GKAP1: variants seen among roughly 807,000 people sequenced by gnomAD.
GKAP1 encodes G kinase anchoring protein 1.
GKAP1 carries 31 observed loss-of-function variants against 56.7 expected under a neutral mutation model. The observed-to-expected ratio is 0.55, with a 90% CI of 0.41 to 0.74. The LOEUF (loss-of-function observed/expected upper bound fraction) is 0.74. Ranked by LOEUF, GKAP1 falls within the 30% of genes least tolerant of loss-of-function variation. The probability of loss-of-function intolerance (pLI) is 0.00; values close to 1 mark genes in which losing one functional copy is unlikely to be tolerated. For synonymous variants in GKAP1, 151 were observed against 138.6 expected, an observed-to-expected ratio of 1.09 and a Z score of -0.63; for missense variants, 364 against 402.3, an observed-to-expected ratio of 0.90 and a Z score of 0.82.
chr9:83,816,518 T>C (rs1187696313), intron 2 of GKAP1, among the ~76,000 whole-genome samples: 6 of 152,270 alleles, frequency 3.9e-5, no homozygotes, highest in Non-Finnish European at 7.3e-5. Flanking sequence ...TATAGTGTTA[T>C]AAATCTGTTG....
At chr9:83,789,991 A>G (rs1405342627) in intron 4 of GKAP1, among the ~76,000 whole-genome samples, 1 of 152,206 alleles carries the variant, frequency 6.6e-6, no homozygotes, top group Non-Finnish European at 1.5e-5. Context: ...TCTAAACTAA[A>G]ATAGAAACCA....
intron 8 of GKAP1, among the ~76,000 whole-genome samples, chr9:83,757,006 T>C (rs1425804847): frequency 6.6e-6 from 1 of 152,202 alleles, no homozygotes; most frequent in East Asian, 1.9e-4. Flanking sequence ...TGAAAAGATG[T>C]ACAAGATAAA....
chr9:83,791,354 C>G (rs1587728044), intron 4 of GKAP1, among the ~76,000 whole-genome samples: 1 of 151,116 alleles, frequency 6.6e-6, no homozygotes, highest in Non-Finnish European at 1.5e-5. Context: ...AGTGAGCCGA[C>G]ATCACGCCAC....
At chr9:83,814,895 C>T (rs531202937) in intron 2 of GKAP1, among the ~76,000 whole-genome samples, 68 of 152,176 alleles carry the variant, frequency 4.5e-4, no homozygotes, top group Non-Finnish European at 7.4e-4. Flanking sequence ...TTAAGCCAGC[C>T]GGGCATGGTG....
intron 4 of GKAP1, among the ~76,000 whole-genome samples, chr9:83,794,853 G>A (rs115542722): frequency 8.9e-4 from 135 of 152,164 alleles, no homozygotes; most frequent in African/African-American, 3.2e-3. Context: ...TGATTTAATC[G>A]TTTTAAAAAA....
At chr9:83,810,907 CCTAGGCTACATGGTATGGCCTATTGCTT>C (rs2131328516) in intron 2 of GKAP1, among the ~76,000 whole-genome samples, 1 of 152,314 alleles carries the variant, frequency 6.6e-6, no homozygotes, top group South Asian at 2.1e-4. Flanking sequence ...CTACTATCCA[CCTAGGCTACATGGTATGGCCTATTGCTT>C]CTAGGCTACA....
At chr9:83,781,104 T>C (rs1943963878) in intron 6 of GKAP1, among the ~76,000 whole-genome samples, 1 of 152,184 alleles carries the variant, frequency 6.6e-6, no homozygotes, top group African/African-American at 2.4e-5. Flanking sequence ...GGCTCACACC[T>C]GTAATCCCAG....
intron 2 of GKAP1, among the ~76,000 whole-genome samples, chr9:83,812,906 C>A (rs1446094371): frequency 6.6e-6 from 1 of 152,010 alleles, no homozygotes; most frequent in Non-Finnish European, 1.5e-5. Context: ...GAGAACACTA[C>A]CCTCGTTAAC....
intron 6 of GKAP1, among the ~76,000 whole-genome samples, chr9:83,783,868 TAAA>T (rs1384373104): frequency 6.6e-5 from 10 of 152,234 alleles, no homozygotes. Context: ...AAATTCTTAC[TAAA>T]GTTTTATGGG....
chr9:83,787,187 A>AACTT (rs1438406284), intron 5 of GKAP1, among the ~76,000 whole-genome samples: 3 of 152,338 alleles, frequency 2.0e-5, no homozygotes, highest in African/African-American at 7.2e-5. Flanking sequence ...CTTTATTAGC[A>AACTT]ACTTTTTTCC....
At chr9:83,786,952 T>C (rs1944075027) in intron 5 of GKAP1, among the ~76,000 whole-genome samples, 1 of 152,234 alleles carries the variant, frequency 6.6e-6, no homozygotes, top group Non-Finnish European at 1.5e-5. Flanking sequence ...TTCTATTTGA[T>C]AAATTTTATC....
chr9:83,814,147 CAA>C (rs1300484648), intron 2 of GKAP1, among the ~76,000 whole-genome samples: 9 of 152,058 alleles, frequency 5.9e-5, no homozygotes, highest in East Asian at 5.8e-4. Context: ...AAAAATATAA[CAA>C]AGTCTTTATT....
chr9:83,780,820 G>A (rs58576276), intron 6 of GKAP1, among the ~76,000 whole-genome samples: 26,686 of 152,032 alleles, frequency 0.18, 2,907 homozygotes, highest in Non-Finnish European at 0.24. Flanking sequence ...CTGCTTTTGT[G>A]TAATGAAAAG....
In GKAP1 at chr9:83,774,701, C is replaced by CTTTTTTT. The variant is rs1564199151; in HGVS notation, c.585+5680_585+5681insAAAAAAA. Among the ~76,000 whole-genome samples the CTTTTTTT allele has an allele frequency of 4.0e-5, 4 of 100,942 alleles. 1 individual carries two copies. Among genetic ancestry groups the CTTTTTTT allele is most frequent in the Non-Finnish European group, 4.1e-5 (2 of 49,358 alleles). 66.2% of individuals were successfully genotyped at this position (100,942 alleles called of 152,430 possible). Reference sequence around the variant, plus strand: ...AGAAACTATCAATAAACAGAAACCCCCTTTTTTTTTTTTTTTTTTTTTTTT... The same window carrying CTTTTTTT: ...AGAAACTATCAATAAACAGAAACCCCTTTTTTTCTTTTTTTTTTTTTTTTTTTTTTTT... On this transcript the variant is annotated intron_variant, in intron 7 of 12. Transcript: ENST00000376371.
intron 2 of GKAP1, among the ~76,000 whole-genome samples, chr9:83,807,514 T>G (rs1378106895): frequency 6.6e-6 from 1 of 152,166 alleles, no homozygotes; most frequent in Non-Finnish European, 1.5e-5. Flanking sequence ...AATATTCAAT[T>G]TGAAAAAATT....
intron 9 of GKAP1, among the ~76,000 whole-genome samples, chr9:83,751,113 G>GCC (rs1943381972): frequency 6.6e-6 from 1 of 152,198 alleles, no homozygotes; most frequent in Non-Finnish European, 1.5e-5. Context: ...GGAATTAACA[G>GCC]GTGTGAGCCA....
At chr9:83,762,564 A>G (rs1024754896) in intron 8 of GKAP1, among the ~76,000 whole-genome samples, 1 of 152,186 alleles carries the variant, frequency 6.6e-6, no homozygotes, top group Non-Finnish European at 1.5e-5. Context: ...TAAAATATAT[A>G]TGAAACCACA....
At chr9:83,812,452 AT>A (rs1944525396) in intron 2 of GKAP1, among the ~76,000 whole-genome samples, 1 of 150,608 alleles carries the variant, frequency 6.6e-6, no homozygotes, top group African/African-American at 2.4e-5. Context: ...GTCTCAGGTG[AT>A]TCTCCCACCT....
intron 6 of GKAP1, among the ~76,000 whole-genome samples, chr9:83,783,646 G>T (rs891565995): frequency 6.6e-6 from 1 of 152,112 alleles, no homozygotes; most frequent in Non-Finnish European, 1.5e-5. Context: ...TCTAAAATTT[G>T]TATTTTAATT....
Sources: gnomAD v4.1 joint callset for allele counts (sites outside exome capture counted in the v4.1 genomes callset) on GRCh38, gnomAD v4.1.1 for gene constraint, MANE v1.5 for transcripts, NCBI Gene and HGNC (gene_info 2026-07-23, HGNC 2026-07-21) for gene names.